The following GPC1 variants were observed in gnomAD, a reference collection of about 807,000 sequenced individuals.
GPC1 encodes the protein glypican-1.
In GPC1, 26 loss-of-function variants were observed where a neutral mutation model predicts 51.5. The ratio of observed to expected loss-of-function variants is 0.50; its 90% CI spans 0.37 to 0.70. The LOEUF is 0.70. GPC1 is among the 30% of genes least tolerant of loss of function. GPC1 has a pLI of 0.00. For missense variants in GPC1, 775 were observed against 800.5 expected (o/e 0.97, Z 0.38); for synonymous variants, 380 against 348.3 (o/e 1.09, Z -1.01).
rs181619717 is a variant in GPC1, at chr2:240,451,218, G to C, written c.167-7812G>C. 1.1e-3 allele frequency: 517 copies of C among 471,202 alleles called. 3 individuals are homozygous for C. The highest frequency in any genetic ancestry group is 9.2e-4 in the Non-Finnish European group (208 of 227,046). The allele number at this position is 471,202 out of a possible 1,614,324, so 29.2% of individuals were successfully genotyped here. A position where few individuals can be genotyped will look rare whatever the true frequency, so the allele number is the denominator to read the frequency against. On this transcript the variant is annotated intron_variant, in intron 1 of 8. Coordinates refer to ENST00000264039, the MANE Select transcript of GPC1 (RefSeq NM_002081.3). The stretch of plus-strand genomic sequence containing the variant: ...TCTGGGATCCGGCCCAGCCTCAGCT[G>C]TATGTGTGTCTCTGCCTGGTTGGCA...
rs1039283488 is a variant in GPC1 at position 240,437,890 on chromosome 2, T to G, written c.166+1806T>G. On this transcript the variant is annotated intron_variant, in intron 1 of 8. Transcript: ENST00000264039. ...ACTGTTGCCAGTTAGAGAGACAGAG[T>G]GGCAGAGTTTGGCCATCTCCCAAGG... Among the ~76,000 whole-genome samples the G allele has an allele frequency of 2.0e-5, 3 of 152,142 alleles. No homozygotes were observed. The East Asian group carries it at 5.8e-4, about 29-fold the overall frequency.
In GPC1 at chr2:240,459,191, G is replaced by A; in HGVS notation, c.325+3G>A. The A allele has an allele frequency of 6.2e-7, 1 of 1,611,104 alleles. No individual in the cohort carries two copies. ...CACCCAGCTGCGCAGCTTCGATGGT[G>A]AGTGCCTCCCACGGGCGCTCGGGGC... On this transcript the variant is annotated splice_donor_region_variant and intron_variant, in intron 2 of 8. Coordinates refer to ENST00000264039, the MANE Select transcript of GPC1 (RefSeq NM_002081.3).
At chr2:240,452,574 G>A (rs1427342029) in intron 1 of GPC1, 3 of 152,132 alleles carry the variant, frequency 2.0e-5, no homozygotes, top group African/African-American at 4.8e-5. Flanking sequence ...CTGCAGTGGG[G>A]AGCCTAGGAG....
chr2:240,462,668 C>T, intron 3 of GPC1, 86 bp downstream of exon 3: 2 of 1,278,436 alleles, frequency 1.6e-6, no homozygotes, highest in East Asian at 2.4e-5. Flanking sequence ...CTACTTTAAC[C>T]CTGTGCCCCT....
intron 1 of GPC1, chr2:240,453,119 C>T: frequency 7.3e-6 from 2 of 273,174 alleles, no homozygotes; most frequent in South Asian, 5.6e-5. Context: ...CCCATCTCCA[C>T]CCGCTCCTCG....
At chr2:240,463,791 T>C in intron 4 of GPC1, 1 of 505,418 alleles carries the variant, frequency 2.0e-6, no homozygotes. Context: ...TCGGTGTGCA[T>C]ACATGCCAAC....
chr2:240,455,791 G>A (rs948686207), intron 1 of GPC1, among the ~76,000 whole-genome samples: 14 of 152,310 alleles, frequency 9.2e-5, no homozygotes, highest in East Asian at 3.9e-4. Flanking sequence ...CTGCAGAGCC[G>A]GCCTCTGCCA....
At chr2:240,457,027 T>G (rs905129490) in intron 1 of GPC1, among the ~76,000 whole-genome samples, 1 of 152,066 alleles carries the variant, frequency 6.6e-6, no homozygotes, top group Admixed American at 6.5e-5. Flanking sequence ...CCAGCAGGCA[T>G]CTGGAGGTAA....
In GPC1 at chr2:240,466,654, G is replaced by A. The variant is rs909722272; in HGVS notation, c.*364G>A. The A allele has an allele frequency of 9.2e-6, 2 of 218,354 alleles. No homozygotes were observed. The highest frequency in any genetic ancestry group is 8.9e-6 in the Non-Finnish European group (1 of 111,882). 13.5% of individuals were successfully genotyped at this position (218,354 alleles called of 1,614,324 possible). ...AAAGCAACCCGCTGGAGCCCACAGCGAGCCTGTGCCTTCCTCCCCGCCTCC... is the reference window on the plus strand; with the variant it reads ...AAAGCAACCCGCTGGAGCCCACAGCAAGCCTGTGCCTTCCTCCCCGCCTCC... On this transcript the variant is annotated 3_prime_UTR_variant, in exon 9 of 9. Coordinates refer to ENST00000264039, the MANE Select transcript of GPC1 (RefSeq NM_002081.3).
At chr2:240,439,152 C>T (rs540115957) in intron 1 of GPC1, among the ~76,000 whole-genome samples, 3 of 152,182 alleles carry the variant, frequency 2.0e-5, no homozygotes, top group Admixed American at 2.0e-4. Context: ...CACCTTGGCA[C>T]CTGAGCTCCC....
chr2:240,448,091 C>T lies in GPC1; in HGVS notation c.167-10939C>T, dbSNP rs1167347402. Among the ~76,000 whole-genome samples, 1 of 152,170 alleles carries T rather than the reference C, an allele frequency of 6.6e-6. No homozygotes were observed. The highest frequency in any genetic ancestry group is 2.4e-5 in the African/African-American group (1 of 41,420). On this transcript the variant is annotated intron_variant, in intron 1 of 8. Transcript: ENST00000264039. The surrounding 1 kb of genome is among the most constrained non-coding windows in gnomAD (Gnocchi z 4.5). Reference sequence around the variant, plus strand: ...CGGCCGGAGGCGCTCTCGAGCCCGCCTTGAGGGTGGCAGCTGGTTTTCAGG... The same window carrying T: ...CGGCCGGAGGCGCTCTCGAGCCCGCTTTGAGGGTGGCAGCTGGTTTTCAGG...
At chr2:240,456,553 C>T in intron 1 of GPC1, 1 of 465,634 alleles carries the variant, frequency 2.1e-6, no homozygotes. Context: ...CACCTGCCAC[C>T]CCCTCCCCCA....
chr2:240,450,917 G>C, intron 1 of GPC1: 1 of 405,854 alleles, frequency 2.5e-6, no homozygotes, highest in Non-Finnish European at 5.2e-6. Context: ...AGGCTGGGGA[G>C]GCTTCCTGAG....
In GPC1 at chr2:240,465,621, G is replaced by A. The variant is rs151028466; in HGVS notation, c.1417G>A (p.Gly473Ser). ...MTNRLRSAYN[G>S]NDVDFQDASD... The stretch of plus-strand genomic sequence containing the variant: ...CAACCGGCTGCGCAGCGCCTACAAC[G>A]GCAACGACGTGGACTTCCAGGACGC... Residue 473 changes from glycine to serine, a missense_variant, in exon 8 of 9, where the codon GGC becomes AGC. Transcript: ENST00000264039. The A allele has an allele frequency of 1.9e-5, 31 of 1,612,800 alleles. No homozygotes were observed. Among genetic ancestry groups the A allele is most frequent in the African/African-American group, 2.7e-5 (2 of 74,942 alleles).
intron 1 of GPC1, among the ~76,000 whole-genome samples, chr2:240,440,417 G>C (rs1459147473): frequency 2.6e-5 from 4 of 152,224 alleles, no homozygotes; most frequent in African/African-American, 9.6e-5. Flanking sequence ...GTAAAGCCAG[G>C]CCAGGCTGCT....
intron 1 of GPC1, among the ~76,000 whole-genome samples, chr2:240,454,343 C>T (rs1368841954): frequency 6.6e-6 from 1 of 152,176 alleles, no homozygotes; most frequent in South Asian, 2.1e-4. Context: ...GGTCGTTTGT[C>T]CAGTGCACCC....
intron 1 of GPC1, among the ~76,000 whole-genome samples, chr2:240,440,194 A>G (rs2074009109): frequency 6.6e-6 from 1 of 152,166 alleles, no homozygotes; most frequent in South Asian, 2.1e-4. Flanking sequence ...CACCCCTCTC[A>G]GTTAATGGCA....
At chr2:240,463,681 G>A in intron 4 of GPC1, 169 bp downstream of exon 4, 2 of 609,782 alleles carry the variant, frequency 3.3e-6, no homozygotes, top group Middle Eastern at 4.4e-4. Context: ...GGGCCAGGGT[G>A]CCTTTTGAAT....
rs2074070123 is a variant in GPC1, at chr2:240,448,741, G to A, written c.167-10289G>A. ...TGGTGGGCTGTGTGACCAGCAGCGT[G>A]ACCGGCAGTTATCCCTCCCCGGACG... On this transcript the variant is annotated intron_variant, in intron 1 of 8. Transcript: ENST00000264039. This position sits in a 1 kb window ranked among gnomAD's most constrained non-coding sequence, Gnocchi z 4.5. 6.6e-6 allele frequency among the ~76,000 whole-genome samples: 1 copy of A among 151,956 alleles called. No individual in the cohort carries two copies. Among genetic ancestry groups the A allele is most frequent in the Admixed American group, 6.5e-5 (1 of 15,268 alleles).
Sources: gnomAD v4.1 joint callset for allele counts (sites outside exome capture counted in the v4.1 genomes callset) on GRCh38, gnomAD v4.1.1 for gene constraint, Gnocchi (gnomAD v3.1) non-coding constraint, MANE v1.5 for transcripts, NCBI Gene and HGNC (gene_info 2026-07-23, HGNC 2026-07-21) for gene names.